NSFL1C: variants seen among roughly 807,000 people sequenced by gnomAD.
NSFL1C encodes NSFL1 cofactor, also known as NSFL1 cofactor p47.
NSFL1C carries 14 observed loss-of-function variants against 43.1 expected under a neutral mutation model. That is an observed-to-expected ratio of 0.32 (90% CI 0.21 to 0.51). The LOEUF (loss-of-function observed/expected upper bound fraction) is 0.51. Ranked by LOEUF, NSFL1C falls within the 20% of genes least tolerant of loss-of-function variation. NSFL1C has a pLI of 0.98. For missense variants in NSFL1C, 406 were observed against 472.5 expected (o/e 0.86, Z 1.30); for synonymous variants, 171 against 183.5 (o/e 0.93, Z 0.55).
intron 2 of NSFL1C, among the ~76,000 whole-genome samples, chr20:1,459,293 T>C (rs930726783): frequency 5.9e-5 from 9 of 152,112 alleles, no homozygotes; most frequent in Non-Finnish European, 1.3e-4. Flanking sequence ...GATATGATCG[T>C]TTTAAAATGT....
In NSFL1C at chr20:1,445,604, C is replaced by G; in HGVS notation, c.950+62G>C. ...AGGAAGAACGGCTCTCTGCTTCCCA[C>G]ACATTTGCGTGAGGCCCAGAGGACA... On this transcript the variant is annotated intron_variant, in intron 8 of 8. Transcript: ENST00000216879. The G allele has an allele frequency of 2.6e-6, 4 of 1,567,330 alleles. No individual in the cohort carries two copies. The South Asian group carries it at 4.6e-5, about 18-fold the overall frequency.
intron 1 of NSFL1C, among the ~76,000 whole-genome samples, chr20:1,466,413 G>A (rs1168818575): frequency 1.3e-5 from 2 of 152,218 alleles, no homozygotes; most frequent in Non-Finnish European, 2.9e-5. Flanking sequence ...TACTCGGCGC[G>A]GCAGCCACGC....
At chr20:1,451,721 A>G (rs1021860198) in intron 7 of NSFL1C, among the ~76,000 whole-genome samples, 1 of 152,240 alleles carries the variant, frequency 6.6e-6, no homozygotes, top group Non-Finnish European at 1.5e-5. Context: ...GGGCTGGCCA[A>G]GAGTCTGGTG....
rs544160183 is a variant in NSFL1C, at chr20:1,453,926, C to T, written c.537+287G>A. On this transcript the variant is annotated intron_variant, in intron 5 of 8. Coordinates refer to ENST00000216879, the MANE Select transcript of NSFL1C (RefSeq NM_016143.5). Reference sequence around the variant, plus strand: ...AGCTATACTCGCATCACTAGAGAACCCCAGATACACTGTACCTCTGCCTGA... The same window carrying T: ...AGCTATACTCGCATCACTAGAGAACTCCAGATACACTGTACCTCTGCCTGA... Among the ~76,000 whole-genome samples the T allele has an allele frequency of 3.9e-5, 6 of 152,182 alleles. No homozygotes were observed. The East Asian group carries it at 1.2e-3, about 29-fold the overall frequency.
intron 1 of NSFL1C, 115 bp from the exon 2 acceptor site, chr20:1,464,541 C>A: frequency 1.3e-6 from 1 of 782,270 alleles, no homozygotes; most frequent in East Asian, 2.6e-5. Context: ...AGCTTGCATC[C>A]ATGGGCCAAA....
intron 2 of NSFL1C, among the ~76,000 whole-genome samples, chr20:1,459,796 T>C (rs555374309): frequency 1.3e-5 from 2 of 152,374 alleles, no homozygotes; most frequent in South Asian, 4.1e-4. Context: ...CTGAGAGTAC[T>C]AGTTCCACTC....
chr20:1,466,289 G>C (rs1239061903), intron 1 of NSFL1C, among the ~76,000 whole-genome samples: 1 of 152,238 alleles, frequency 6.6e-6, no homozygotes, highest in Non-Finnish European at 1.5e-5. Flanking sequence ...TAGGAAGGCT[G>C]GGCGGCGGTC....
intron 5 of NSFL1C, 108 bp from the exon 6 acceptor site, chr20:1,453,248 A>C: frequency 1.5e-6 from 1 of 686,452 alleles, no homozygotes; most frequent in Non-Finnish European, 2.6e-6. Context: ...CTATTAAAAC[A>C]CACATAGAGA....
At chr20:1,465,648 T>A (rs929424372) in intron 1 of NSFL1C, among the ~76,000 whole-genome samples, 1 of 152,258 alleles carries the variant, frequency 6.6e-6, no homozygotes, top group Non-Finnish European at 1.5e-5. Context: ...TATGTGACCC[T>A]GAGCAAATTC....
At chr20:1,464,927 T>G (rs1240066621) in intron 1 of NSFL1C, among the ~76,000 whole-genome samples, 1 of 152,160 alleles carries the variant, frequency 6.6e-6, no homozygotes, top group East Asian at 1.9e-4. Flanking sequence ...AGGCCCTCAC[T>G]CTTAAGCGCT....
intron 5 of NSFL1C, among the ~76,000 whole-genome samples, 161 bp from the exon 6 acceptor site, chr20:1,453,301 CTAAA>C (rs1568620614): frequency 6.6e-6 from 1 of 152,208 alleles, no homozygotes; most frequent in Non-Finnish European, 1.5e-5. Flanking sequence ...AACAAGCAAA[CTAAA>C]TAAGCATTAA....
rs375233068 is a variant in NSFL1C at position 1,454,319 on chromosome 20, G to A, written c.445-14C>T. ...TCCTGCAAATGGCTATAAGGGACAA[G>A]TTCATACACATTTAAGGGGTTGGTC... On this transcript the variant is annotated splice_polypyrimidine_tract_variant and intron_variant, in intron 4 of 8. Transcript: ENST00000216879. 4 of 1,591,074 alleles carry A rather than the reference G, an allele frequency of 2.5e-6. No homozygotes were observed. The African/African-American group carries it at 5.4e-5, about 21-fold the overall frequency.
chr20:1,445,672 C>A lies in NSFL1C; in HGVS notation c.944G>T (p.Ser315Ile). Residue 315 changes from serine to isoleucine, a missense_variant, in exon 8 of 9, where the codon AGC (serine) becomes ATC (isoleucine). Transcript: ENST00000216879. ...GGRLVQKFNH[S>I]HRISDIRLFI... ...GCCACACAATGCAAGGTACCTGTGG[C>A]TGTGGTTAAATTTCTGCACCAGCCT... 6.2e-7 allele frequency: 1 copy of A among 1,612,438 alleles called. No homozygotes were observed. Among genetic ancestry groups the A allele is most frequent in the Non-Finnish European group, 8.5e-7 (1 of 1,179,842 alleles).
At chr20:1,461,987 C>T (rs752441146) in intron 2 of NSFL1C, among the ~76,000 whole-genome samples, 1 of 152,130 alleles carries the variant, frequency 6.6e-6, no homozygotes, top group Non-Finnish European at 1.5e-5. Context: ...ACTCTCTTGC[C>T]ACAAAAGATA....
At chr20:1,449,000 A>G (rs1220013805) in intron 7 of NSFL1C, among the ~76,000 whole-genome samples, 1 of 152,186 alleles carries the variant, frequency 6.6e-6, no homozygotes, top group Admixed American at 6.5e-5. Flanking sequence ...CACTGTACCC[A>G]ACACATACTA....
intron 7 of NSFL1C, among the ~76,000 whole-genome samples, chr20:1,448,197 T>TG (rs1263781180): frequency 6.6e-6 from 1 of 152,234 alleles, no homozygotes. Flanking sequence ...CCACGCCTTT[T>TG]GGGGAAGCAG....
chr20:1,462,396 G>A (rs1046092359), intron 2 of NSFL1C, among the ~76,000 whole-genome samples: 11 of 152,264 alleles, frequency 7.2e-5, no homozygotes, highest in African/African-American at 2.6e-4. Flanking sequence ...TCTTTTCTAA[G>A]CCTACTACCA....
chr20:1,449,966 A>G (rs946958565), intron 7 of NSFL1C, among the ~76,000 whole-genome samples: 1 of 152,200 alleles, frequency 6.6e-6, no homozygotes, highest in African/African-American at 2.4e-5. Flanking sequence ...CGTAAAACCT[A>G]AAACAACAAC....
Position 1,456,465 on chromosome 20 carries a change from T to C in NSFL1C, c.279-1333A>G, listed in dbSNP as rs549510047. On this transcript the variant is annotated intron_variant, in intron 3 of 8. Coordinates refer to ENST00000216879, the MANE Select transcript of NSFL1C (RefSeq NM_016143.5). The stretch of plus-strand genomic sequence containing the variant: ...AAAATAGAGAATAGAACACATGTAA[T>C]TTCTCAGCCCACTTCCCCAAAGACT... 4 of 152,310 alleles carry C rather than the reference T, an allele frequency of 2.6e-5. No individual in the cohort carries two copies. In the East Asian group the frequency reaches 7.7e-4, roughly 29 times the overall value. 9.4% of individuals were successfully genotyped at this position (152,310 alleles called of 1,614,324 possible).
Sources: allele counts gnomAD v4.1 joint callset (sites outside exome capture counted in the v4.1 genomes callset), GRCh38; gene constraint gnomAD v4.1.1; transcripts MANE v1.5; gene names NCBI Gene and HGNC (gene_info 2026-07-23, HGNC 2026-07-21).